MPP7: variants seen among roughly 807,000 people sequenced by gnomAD.
The protein encoded by MPP7 is MAGUK p55 scaffold protein 7.
In MPP7, 60 loss-of-function variants were observed where a neutral mutation model predicts 76.5. The observed-to-expected ratio is 0.78, with a 90% CI of 0.64 to 0.97. The LOEUF (loss-of-function observed/expected upper bound fraction) is 0.97. Ranked by LOEUF, MPP7 falls within the 50% of genes least tolerant of loss-of-function variation. MPP7 has a pLI of 0.00. For synonymous variants in MPP7, 237 were observed against 244.5 expected (o/e 0.97, Z 0.29); for missense variants, 641 against 694.0 (o/e 0.92, Z 0.86).
chr10:28,161,643 C>T (rs1269363683), intron 3 of MPP7, among the ~76,000 whole-genome samples: 1 of 152,124 alleles, frequency 6.6e-6, no homozygotes, highest in African/African-American at 2.4e-5. Context: ...TCCTAAACAA[C>T]ATTTCCTACC....
At chr10:28,120,789 G>A (rs1200290595) in intron 8 of MPP7, 121 bp from the exon 9 acceptor site, 2 of 641,902 alleles carry the variant, frequency 3.1e-6, no homozygotes, top group Non-Finnish European at 5.3e-6. Flanking sequence ...CTCTTAGATA[G>A]ACTAAACGGA....
chr10:28,072,494 A>G (rs1250473983), intron 12 of MPP7, among the ~76,000 whole-genome samples: 1 of 152,204 alleles, frequency 6.6e-6, no homozygotes, highest in Non-Finnish European at 1.5e-5. Context: ...GACATCAAAA[A>G]AAGTTCCCTA....
intron 1 of MPP7, among the ~76,000 whole-genome samples, chr10:28,276,035 T>TC (rs985594634): frequency 2.0e-5 from 3 of 150,318 alleles, no homozygotes; most frequent in African/African-American, 4.9e-5. Context: ...ACATACTTTT[T>TC]TTTTTTTTTT....
At chr10:28,283,214 T>A (rs935156472) in intron 1 of MPP7, among the ~76,000 whole-genome samples, 1 of 151,984 alleles carries the variant, frequency 6.6e-6, no homozygotes, top group African/African-American at 2.4e-5. Flanking sequence ...ATTTCCAATA[T>A]GAATTCAAAT....
At chr10:28,271,965 ACT>A (rs1840340133) in intron 1 of MPP7, among the ~76,000 whole-genome samples, 2 of 152,064 alleles carry the variant, frequency 1.3e-5, no homozygotes, top group Admixed American at 1.3e-4. Context: ...ACAGAGCGAG[ACT>A]CTGTCTCAAA....
chr10:28,060,270 T>G (rs1241117298), intron 13 of MPP7, among the ~76,000 whole-genome samples: 1 of 152,190 alleles, frequency 6.6e-6, no homozygotes, highest in Non-Finnish European at 1.5e-5. Context: ...AAGTCATAAA[T>G]AGCATCATCT....
chr10:28,146,620 A>G (rs1835717163), intron 5 of MPP7, among the ~76,000 whole-genome samples: 1 of 152,120 alleles, frequency 6.6e-6, no homozygotes, highest in African/African-American at 2.4e-5. Flanking sequence ...TTTAAAACCA[A>G]GTTTTAAATT....
At chr10:28,206,131 AACTG>A (rs895331257) in intron 2 of MPP7, among the ~76,000 whole-genome samples, 1 of 152,158 alleles carries the variant, frequency 6.6e-6, no homozygotes, top group African/African-American at 2.4e-5. Flanking sequence ...AGCAGTACAA[AACTG>A]ACTAAGACCC....
intron 3 of MPP7, among the ~76,000 whole-genome samples, chr10:28,189,804 T>C (rs568885313): frequency 6.6e-6 from 1 of 152,054 alleles, no homozygotes; most frequent in Non-Finnish European, 1.5e-5. Context: ...GTTGTAAATA[T>C]GGTAAATATT....
intron 3 of MPP7, among the ~76,000 whole-genome samples, chr10:28,199,384 G>A (rs748915602): frequency 9.2e-5 from 14 of 151,974 alleles, no homozygotes; most frequent in Admixed American, 2.6e-4. Flanking sequence ...CTATTTAGGC[G>A]TTTTTCTTTT....
At chr10:28,128,601 G>C (rs1228466319) in intron 6 of MPP7, among the ~76,000 whole-genome samples, 2 of 152,148 alleles carry the variant, frequency 1.3e-5, no homozygotes, top group African/African-American at 4.8e-5. Flanking sequence ...AAGAAAGAGA[G>C]GGATTAAAGA....
chr10:28,271,018 T>C (rs1339209584), intron 1 of MPP7, among the ~76,000 whole-genome samples: 1 of 152,236 alleles, frequency 6.6e-6, no homozygotes, highest in African/African-American at 2.4e-5. Flanking sequence ...AGAACTGTTG[T>C]ACCTTGTCAT....
intron 11 of MPP7, among the ~76,000 whole-genome samples, chr10:28,106,384 T>G (rs1834326495): frequency 2.0e-5 from 3 of 152,186 alleles, no homozygotes; most frequent in African/African-American, 7.2e-5. Flanking sequence ...TAGGTAGTCC[T>G]GCTTTTGTTT....
chr10:28,088,151 G>A (rs915101692), intron 12 of MPP7, among the ~76,000 whole-genome samples: 1 of 152,086 alleles, frequency 6.6e-6, no homozygotes, highest in Non-Finnish European at 1.5e-5. Flanking sequence ...AACAGCATGG[G>A]TTGTAACCTT....
In MPP7 at chr10:28,157,194, G is replaced by A. The variant is rs560913918; in HGVS notation, c.157-7135C>T. ...CATTGCACTTCAGCCTGGGCAGCAG[G>A]GCGAGACTTGGTCTCAGAAAGGAAA... On this transcript the variant is annotated intron_variant, in intron 3 of 16. Transcript: ENST00000683449. Among the ~76,000 whole-genome samples, 58 of 152,186 alleles carry A rather than the reference G, an allele frequency of 3.8e-4. No homozygotes were observed. The South Asian group carries it at 0.012, about 31-fold the overall frequency.
At chr10:28,137,100 T>C (rs1241323820) in intron 5 of MPP7, among the ~76,000 whole-genome samples, 1 of 152,072 alleles carries the variant, frequency 6.6e-6, no homozygotes, top group Non-Finnish European at 1.5e-5. Context: ...AAAAAACACA[T>C]TATATATAAA....
chr10:28,306,625 G>T (rs921825563), upstream of MPP7, among the ~76,000 whole-genome samples: 6 of 151,278 alleles, frequency 4.0e-5, no homozygotes, highest in African/African-American at 1.5e-4. Context: ...TCCAGCCTGG[G>T]CAACAGAGTA....
chr10:28,182,740 A>G (rs1020456225), intron 3 of MPP7, among the ~76,000 whole-genome samples: 1 of 152,240 alleles, frequency 6.6e-6, no homozygotes, highest in Non-Finnish European at 1.5e-5. Flanking sequence ...ACCTATTTAT[A>G]TCACCATAAA....
At chr10:28,283,147 C>A (rs1336553402) in intron 1 of MPP7, among the ~76,000 whole-genome samples, 2 of 151,830 alleles carry the variant, frequency 1.3e-5, no homozygotes, top group African/African-American at 4.9e-5. Context: ...TTGTGCTTAT[C>A]CAAATTATGT....
Sources: allele counts gnomAD v4.1 joint callset (sites outside exome capture counted in the v4.1 genomes callset), GRCh38; gene constraint gnomAD v4.1.1; transcripts MANE v1.5; gene names NCBI Gene and HGNC (gene_info 2026-07-23, HGNC 2026-07-21).